ARHGEF4: variants seen among roughly 807,000 people sequenced by gnomAD.
The protein encoded by ARHGEF4 is APC-stimulated guanine nucleotide exchange factor 1.
Under a neutral mutation model 162.0 loss-of-function variants are expected in ARHGEF4, and 119 were observed. That is an observed-to-expected ratio of 0.73 (90% CI 0.63 to 0.86). ARHGEF4 has a LOEUF of 0.86. Among genes scored for constraint, ARHGEF4 ranks in the 40% least tolerant of loss-of-function variants. ARHGEF4 has a pLI of 0.00. For synonymous variants in ARHGEF4, 1,014 were observed against 979.9 expected (o/e 1.03, Z -0.65); for missense variants, 2,488 against 2,456.0 (o/e 1.01, Z -0.28).
intron 1 of ARHGEF4, among the ~76,000 whole-genome samples, chr2:130,870,784 A>T (rs903078868): frequency 6.6e-6 from 1 of 152,044 alleles, no homozygotes; most frequent in African/African-American, 2.4e-5. Flanking sequence ...ACCCAGCGAG[A>T]CATGGGGGTT....
chr2:130,872,166 A>G (rs1011517749), intron 1 of ARHGEF4, among the ~76,000 whole-genome samples: 13 of 152,226 alleles, frequency 8.5e-5, no homozygotes, highest in African/African-American at 3.1e-4. Flanking sequence ...GCCTATTTCT[A>G]GCAGTTGGCC....
chr2:130,942,909 G>A (rs1683397412), intron 3 of ARHGEF4, among the ~76,000 whole-genome samples: 2 of 152,054 alleles, frequency 1.3e-5, no homozygotes, highest in Non-Finnish European at 2.9e-5. Context: ...AAAATAATGG[G>A]TATTCTGCTA....
chr2:130,880,497 A>G (rs901368809), intron 1 of ARHGEF4, among the ~76,000 whole-genome samples: 1 of 152,064 alleles, frequency 6.6e-6, no homozygotes, highest in Non-Finnish European at 1.5e-5. Flanking sequence ...CCTCTTTCCC[A>G]TTTGTCTTAG....
chr2:130,914,239 A>C lies in ARHGEF4; in HGVS notation c.293A>C (p.Asp98Ala), dbSNP rs1355572397. 2 of 1,535,476 alleles carry C rather than the reference A, an allele frequency of 1.3e-6. No individual in the cohort carries two copies. The highest frequency in any genetic ancestry group is 2.4e-5 in the South Asian group (2 of 84,034). The change falls in exon 2 of 14, where the codon GAT becomes GCT. Residue 98 changes from aspartate to alanine, a missense_variant. This residue lies in a region of ARHGEF4 where 171 missense variants were observed against 169.4 expected (regional missense o/e 1.01). Transcript: ENST00000409359. ...VFHPLRGTPVDIEAPWEYPDV... is the reference protein window; with the variant it reads ...VFHPLRGTPVAIEAPWEYPDV... ...CACCCTCTAAGAGGTACTCCCGTAG[A>C]TATAGAAGCACCTTGGGAATACCCT...
rs1197037307 is a variant in ARHGEF4 at position 131,044,511 on chromosome 2, G to A, written c.5370G>A (p.Glu1790=). 6 of 1,551,192 alleles carry A rather than the reference G, an allele frequency of 3.9e-6. No individual in the cohort carries two copies. The highest frequency in any genetic ancestry group is 5.2e-6 in the Non-Finnish European group (6 of 1,147,248). ...KQRWLKAFAR[E]REQVQLDQET... is the part of the protein sequence containing the mutation. ...GCTGGCTCAAGGCCTTTGCCAGGGA[G>A]AGGGAGCAGGTGCAGCTGGACCAGG... The change falls in exon 12 of 14, where the codon GAG becomes GAA. Residue 1790 remains glutamate, a synonymous_variant. Transcript: ENST00000409359.
At chr2:130,922,261 G>C (rs13010370) in intron 2 of ARHGEF4, among the ~76,000 whole-genome samples, 149,028 of 151,744 alleles carry the variant, frequency 0.98, 73,232 homozygotes, top group Middle Eastern at 1. Flanking sequence ...ATCGCAGCTA[G>C]TTGGGAGGCT....
At chr2:130,850,788 C>T (rs571653229) in intron 1 of ARHGEF4, among the ~76,000 whole-genome samples, 2 of 152,252 alleles carry the variant, frequency 1.3e-5, no homozygotes, top group Non-Finnish European at 2.9e-5. Flanking sequence ...GAAGGGGAAG[C>T]AGGAGTCAGC....
chr2:130,853,820 C>CTG (rs1462677242), intron 1 of ARHGEF4, among the ~76,000 whole-genome samples: 1 of 152,216 alleles, frequency 6.6e-6, no homozygotes, highest in Non-Finnish European at 1.5e-5. Context: ...GTGGGCCCTA[C>CTG]TGTGTGGCTC....
chr2:130,998,733 G>A (rs1007149842), intron 4 of ARHGEF4, among the ~76,000 whole-genome samples: 18 of 152,136 alleles, frequency 1.2e-4, no homozygotes, highest in African/African-American at 4.1e-4. Flanking sequence ...AGGACATCTT[G>A]GTTGCTTTCA....
Position 130,914,362 on chromosome 2 carries a change from ATGACTCTTGC to A in ARHGEF4, c.417_426del (p.Asp139GlufsTer134). On this transcript the variant is annotated frameshift_variant, in exon 2 of 14. Coordinates refer to ENST00000409359, the MANE Select transcript of ARHGEF4 (RefSeq NM_001367493.1). LOFTEE classifies it high-confidence loss of function. ...CTCGATTTGTCCCCTAGCTTAGAGG[ATGACTCTTGC>A]AAAAATGGGTGGCGAGCCTTTGCCA... 2 of 1,451,790 alleles carry A rather than the reference ATGACTCTTGC, an allele frequency of 1.4e-6. No homozygotes were observed. The highest frequency in any genetic ancestry group is 2.6e-5 in the Admixed American group (1 of 38,810). 89.9% of individuals were successfully genotyped at this position (1,451,790 alleles called of 1,614,324 possible).
rs542845027 is a variant in ARHGEF4 at position 130,917,080 on chromosome 2, G to C, written c.3134G>C (p.Gly1045Ala). The change falls in exon 2 of 14, where the codon GGT becomes GCT. Residue 1045 changes from glycine (G) to alanine (A), a missense_variant. Around this residue, in one of 6 missense-constraint regions of ARHGEF4, gnomAD observed 1,642 missense variants for 1,481.5 expected, o/e 1.11. Transcript: ENST00000409359. ...TQEGGRYLPSGIFPEKSWLAS... is the reference protein window; with the variant it reads ...TQEGGRYLPSAIFPEKSWLAS... ...GAAGGCGGTAGGTACCTACCTTCAG[G>C]TATCTTTCCGGAAAAGTCCTGGCTG... 6.4e-7 allele frequency: 1 copy of C among 1,550,654 alleles called. No homozygotes were observed. Among genetic ancestry groups the C allele is most frequent in the Non-Finnish European group, 8.7e-7 (1 of 1,147,004 alleles).
In ARHGEF4 at chr2:130,915,117, C is replaced by A. The variant is rs897624436; in HGVS notation, c.1171C>A (p.Pro391Thr). 1 of 1,550,696 alleles carries A rather than the reference C, an allele frequency of 6.4e-7. No homozygotes were observed. The highest frequency in any genetic ancestry group is 8.7e-7 in the Non-Finnish European group (1 of 1,147,022). The change falls in exon 2 of 14, where the codon CCT becomes ACT. Residue 391 changes from proline to threonine, a missense_variant. Transcript: ENST00000409359. ...ACCCACCCAGCTGTCTGGCCCGATT[C>A]CTGCTTTTCAGAGTGGGGCTCCCCA... ...PAPTQLSGPI[P>T]AFQSGAPHLQ... is the part of the protein sequence containing the mutation.
chr2:130,909,615 A>G (rs1179935910), intron 1 of ARHGEF4, among the ~76,000 whole-genome samples: 1 of 152,100 alleles, frequency 6.6e-6, no homozygotes, highest in African/African-American at 2.4e-5. Context: ...CACTTGAAAT[A>G]TGTGTGGCTT....
At chr2:131,033,128 C>T (rs779394113) in intron 5 of ARHGEF4, among the ~76,000 whole-genome samples, 5 of 152,154 alleles carry the variant, frequency 3.3e-5, no homozygotes, top group Non-Finnish European at 7.3e-5. Flanking sequence ...GCTGGGATTA[C>T]AGGTTGTGAG....
At chr2:130,867,151 G>A (rs1296777118) in intron 1 of ARHGEF4, among the ~76,000 whole-genome samples, 2 of 152,000 alleles carry the variant, frequency 1.3e-5, no homozygotes, top group African/African-American at 2.4e-5. Flanking sequence ...TTTCAAACTG[G>A]GGGGTATAGA....
At chr2:130,897,483 G>T (rs578044782) in intron 1 of ARHGEF4, among the ~76,000 whole-genome samples, 8 of 152,220 alleles carry the variant, frequency 5.3e-5, no homozygotes, top group Admixed American at 5.2e-4. Flanking sequence ...GCTTCCGGGG[G>T]TAATGTGGGG....
intron 1 of ARHGEF4, among the ~76,000 whole-genome samples, chr2:130,894,648 T>A (rs1680052380): frequency 6.7e-6 from 1 of 149,012 alleles, no homozygotes; most frequent in Non-Finnish European, 1.5e-5. Context: ...TCTACTTTTT[T>A]AAAAAAGCAA....
chr2:131,039,978 G>A (rs781585325), intron 6 of ARHGEF4, 38 bp from the exon 7 acceptor site: 10 of 1,544,848 alleles, frequency 6.5e-6, no homozygotes, highest in Non-Finnish European at 7.9e-6. Context: ...GTTGCTCCGA[G>A]GGATGCGGGG....
chr2:130,922,923 G>GAGAT (rs151110273), intron 2 of ARHGEF4, among the ~76,000 whole-genome samples: 2 of 145,512 alleles, frequency 1.4e-5, no homozygotes, highest in Non-Finnish European at 3.0e-5. Flanking sequence ...CCTCTTTAAT[G>GAGAT]ATATATATAT....
Sources: gnomAD v4.1 joint callset for allele counts (sites outside exome capture counted in the v4.1 genomes callset) on GRCh38, gnomAD v4.1.1 for gene constraint, gnomAD v4.1.1 regional missense constraint, MANE v1.5 for transcripts, NCBI Gene and HGNC (gene_info 2026-07-23, HGNC 2026-07-21) for gene names.